PDE1A: variants seen among roughly 807,000 people sequenced by gnomAD.
The protein encoded by PDE1A is phosphodiesterase 1A.
Under a neutral mutation model 61.7 loss-of-function variants are expected in PDE1A, and 35 were observed. That is an observed-to-expected ratio of 0.57 (90% CI 0.43 to 0.75). The LOEUF (loss-of-function observed/expected upper bound fraction) is 0.75. PDE1A is among the 30% of genes least tolerant of loss of function. The pLI, the probability that PDE1A is intolerant of heterozygous loss-of-function variation, is 0.00. For missense variants in PDE1A, 597 were observed against 630.6 expected (o/e 0.95, Z 0.57); for synonymous variants, 232 against 213.2 (o/e 1.09, Z -0.77).
At chr2:182,538,618 T>C in the PDE1A span, among the ~76,000 whole-genome samples, 1 of 152,322 alleles carries the variant, frequency 6.6e-6, no homozygotes, top group South Asian at 2.1e-4. Context: ...TAAAATTATG[T>C]AAATATCTTA....
At chr2:182,223,351 T>C (rs1212221715) in intron 7 of PDE1A, among the ~76,000 whole-genome samples, 1 of 152,056 alleles carries the variant, frequency 6.6e-6, no homozygotes, top group Non-Finnish European at 1.5e-5. Flanking sequence ...CAGACTAACA[T>C]ACTTCTACTC....
At chr2:182,418,400 G>A (rs1703054937) in intron 1 of PDE1A, among the ~76,000 whole-genome samples, 1 of 152,066 alleles carries the variant, frequency 6.6e-6, no homozygotes, top group Admixed American at 6.6e-5. Flanking sequence ...GGAATCTCAG[G>A]CATGCTATAA....
the PDE1A span, among the ~76,000 whole-genome samples, chr2:182,528,953 T>C: frequency 0.34 from 51,548 of 152,062 alleles, 9,277 homozygotes; most frequent in Middle Eastern, 0.42. Context: ...CAAACAGAAG[T>C]TTGCTGCTGG....
chr2:182,339,343 T>C (rs2125024325), intron 1 of PDE1A, among the ~76,000 whole-genome samples: 1 of 152,356 alleles, frequency 6.6e-6, no homozygotes, highest in Non-Finnish European at 1.5e-5. Context: ...ATAAACTAGA[T>C]GCTCTTATCC....
intron 13 of PDE1A, among the ~76,000 whole-genome samples, chr2:182,151,109 C>T (rs1254272105): frequency 6.6e-6 from 1 of 152,120 alleles, no homozygotes; most frequent in East Asian, 1.9e-4. Flanking sequence ...TTTTTTGAGA[C>T]AAAGTTTTGC....
chr2:182,198,576 A>T (rs1302195408), intron 10 of PDE1A, among the ~76,000 whole-genome samples: 1 of 151,818 alleles, frequency 6.6e-6, no homozygotes, highest in South Asian at 2.1e-4. Flanking sequence ...TGCATTTTGC[A>T]TATCTATAGG....
chr2:182,611,711 A>G, the PDE1A span, among the ~76,000 whole-genome samples: 4 of 152,266 alleles, frequency 2.6e-5, no homozygotes, highest in South Asian at 6.2e-4. Context: ...AACAATTTAT[A>G]TTGCCAGGAA....
chr2:182,633,039 A>C, the PDE1A span, among the ~76,000 whole-genome samples: 1 of 152,232 alleles, frequency 6.6e-6, no homozygotes, highest in Non-Finnish European at 1.5e-5. Context: ...ATTATGCTAT[A>C]TGACAAATAA....
At chr2:182,461,553 T>C (rs2125766247) in intron 2 of PDE1A, among the ~76,000 whole-genome samples, 1 of 152,174 alleles carries the variant, frequency 6.6e-6, no homozygotes, top group East Asian at 1.9e-4. Flanking sequence ...CAGAAACCAA[T>C]AATCCCTCAC....
chr2:182,587,921 A>C, the PDE1A span, among the ~76,000 whole-genome samples: 1 of 152,228 alleles, frequency 6.6e-6, no homozygotes, highest in African/African-American at 2.4e-5. Flanking sequence ...AAACAACTTG[A>C]TGTGACTTTG....
At chr2:182,277,471 T>C (rs1196309174) in intron 1 of PDE1A, among the ~76,000 whole-genome samples, 1 of 152,130 alleles carries the variant, frequency 6.6e-6, no homozygotes, top group African/African-American at 2.4e-5. Flanking sequence ...GTGCTGAGCA[T>C]TTCCCAAGAG....
intron 11 of PDE1A, among the ~76,000 whole-genome samples, chr2:182,188,315 T>C (rs149556173): frequency 5.0e-4 from 76 of 152,352 alleles, no homozygotes; most frequent in African/African-American, 1.5e-3. Flanking sequence ...TGGGTGGTGC[T>C]GGAGCATAAC....
At chr2:182,224,527 G>A (rs1488159916) in intron 6 of PDE1A, among the ~76,000 whole-genome samples, 1 of 151,648 alleles carries the variant, frequency 6.6e-6, no homozygotes, top group East Asian at 1.9e-4. Context: ...CTTCAATAAT[G>A]TTAAAAGAAA....
At chr2:182,403,843 G>A (rs1559426081) in intron 1 of PDE1A, among the ~76,000 whole-genome samples, 2 of 152,032 alleles carry the variant, frequency 1.3e-5, no homozygotes, top group Non-Finnish European at 2.9e-5. Flanking sequence ...GGGGGTGGGG[G>A]GCTAGGCAAG....
At chr2:182,201,714 T>C (rs756013899) in exon 9 of PDE1A, 30 of 1,609,356 alleles carry the variant, frequency 1.9e-5, no homozygotes, top group Non-Finnish European at 2.1e-5. Flanking sequence ...AACTGTTTCT[T>C]ATATTTTTAA....
the PDE1A span, among the ~76,000 whole-genome samples, chr2:182,683,196 G>A: frequency 1.3e-5 from 2 of 150,962 alleles, no homozygotes; most frequent in African/African-American, 4.9e-5. Context: ...AGGTTCAAGC[G>A]ATTCTCCTGC....
downstream of PDE1A, among the ~76,000 whole-genome samples, chr2:182,166,281 G>T (rs1691647705): frequency 6.6e-6 from 1 of 152,154 alleles, no homozygotes; most frequent in African/African-American, 2.4e-5. Flanking sequence ...GACCTACCCT[G>T]AATATGGGCG....
chr2:182,547,204 C>G, the PDE1A span, among the ~76,000 whole-genome samples: 1 of 152,172 alleles, frequency 6.6e-6, no homozygotes, highest in Non-Finnish European at 1.5e-5. Flanking sequence ...GAGGCATTTG[C>G]ACATCCTGGG....
chr2:182,277,125 T>C (rs1025796067), intron 1 of PDE1A, among the ~76,000 whole-genome samples: 2 of 152,100 alleles, frequency 1.3e-5, no homozygotes, highest in Admixed American at 1.3e-4. Flanking sequence ...AAGCATGTGA[T>C]CTTTGTTCTC....
Sources: allele counts gnomAD v4.1 joint callset (sites outside exome capture counted in the v4.1 genomes callset), GRCh38; gene constraint gnomAD v4.1.1; transcripts MANE v1.5; gene names NCBI Gene and HGNC (gene_info 2026-07-23, HGNC 2026-07-21).